Variants in CD244 observed in about 807,000 individuals in gnomAD.
CD244 encodes the protein CD244 molecule.
In CD244, 20 loss-of-function variants were observed where a neutral mutation model predicts 45.5. The observed-to-expected ratio is 0.44, with a 90% confidence interval of 0.31 to 0.64. The LOEUF (loss-of-function observed/expected upper bound fraction) is 0.64. Ranked by LOEUF, CD244 falls within the 30% of genes least tolerant of loss-of-function variation. The pLI is 0.08. For synonymous variants in CD244, 185 were observed against 160.5 expected, an observed-to-expected ratio of 1.15 and a Z score of -1.15; for missense variants, 407 against 426.9, an observed-to-expected ratio of 0.95 and a Z score of 0.41.
chr1:160,840,280 A>G (rs1007089010), intron 3 of CD244, among the ~76,000 whole-genome samples: 2 of 151,478 alleles, frequency 1.3e-5, no homozygotes, highest in African/African-American at 4.9e-5. Context: ...CTAAGAGATC[A>G]CAGAGCTTCT....
intron 8 of CD244, among the ~76,000 whole-genome samples, chr1:160,832,060 C>T (rs1190011867): frequency 1.3e-5 from 2 of 152,148 alleles, no homozygotes; most frequent in Non-Finnish European, 2.9e-5. Flanking sequence ...AATTCAACCA[C>T]CAGGCTCAGT....
At position 160,841,368 on chromosome 1, in the gene CD244, C is replaced by T. The variant is rs774339579; in HGVS notation, c.497G>A (p.Arg166Lys). 1 of 1,614,232 alleles carries T rather than the reference C, an allele frequency of 6.2e-7. No homozygotes were observed. The highest frequency in any genetic ancestry group is 1.1e-5 in the South Asian group (1 of 91,082). ...TGCTGTCTGGATCAGCTTGCTCCCT[C>T]TGTACCAAGCATAGGACACATTGCC... ...RDGNVSYAWY[R>K]GSKLIQTAGN... The change falls in exon 3 of 9, where the codon AGA becomes AAA. Residue 166 changes from arginine to lysine, a missense_variant. By Grantham distance (26) the Arg-to-Lys change is conservative (BLOSUM62 2). Coordinates refer to ENST00000368034, the MANE Select transcript of CD244 (RefSeq NM_016382.4).
chr1:160,861,573 G>C (rs552382770), intron 1 of CD244, among the ~76,000 whole-genome samples: 23 of 152,224 alleles, frequency 1.5e-4, no homozygotes, highest in Admixed American at 9.8e-4. Context: ...GCTCACACCT[G>C]TAATCCCAGC....
chr1:160,848,211 C>T, intron 1 of CD244: 1 of 540,344 alleles, frequency 1.9e-6, no homozygotes, highest in East Asian at 4.9e-5. Context: ...GTTGACATCA[C>T]ACACCATAAT....
chr1:160,836,512 T>C (rs1669340581), intron 5 of CD244, among the ~76,000 whole-genome samples: 1 of 152,220 alleles, frequency 6.6e-6, no homozygotes, highest in South Asian at 2.1e-4. Flanking sequence ...AAGAGAATGC[T>C]GTCACTTTCT....
chr1:160,839,504 G>A (rs1022865609), intron 3 of CD244, among the ~76,000 whole-genome samples: 11 of 152,204 alleles, frequency 7.2e-5, no homozygotes, highest in African/African-American at 2.7e-4. Context: ...GAAAAAAAAT[G>A]CATGTGTATT....
In CD244 at chr1:160,862,750, C is replaced by G; in HGVS notation, c.-73G>C. On this transcript the variant is annotated 5_prime_UTR_variant, in exon 1 of 9. Coordinates refer to ENST00000368034, the MANE Select transcript of CD244 (RefSeq NM_016382.4). ...CTCTGCCGTGCACGGGCTCAGCAGT[C>G]CCCAGTCAGCAAGAGGACGATGGGG... 1 of 1,381,228 alleles carries G rather than the reference C, an allele frequency of 7.2e-7. No homozygotes were observed. The highest frequency in any genetic ancestry group is 2.3e-5 in the East Asian group (1 of 42,784). 85.6% of individuals were successfully genotyped at this position (1,381,228 alleles called of 1,614,324 possible).
At chr1:160,837,749 G>C (rs1374324721) in intron 5 of CD244, among the ~76,000 whole-genome samples, 1 of 152,246 alleles carries the variant, frequency 6.6e-6, no homozygotes, top group Non-Finnish European at 1.5e-5. Context: ...CAGCAGTTTG[G>C]TAGGCTCCAT....
intron 1 of CD244, among the ~76,000 whole-genome samples, chr1:160,847,215 T>A (rs1254541899): frequency 6.6e-6 from 1 of 152,068 alleles, no homozygotes; most frequent in Non-Finnish European, 1.5e-5. Context: ...AAATAAAATT[T>A]GATAGAACTA....
chr1:160,847,455 A>C (rs1669775537), intron 1 of CD244, among the ~76,000 whole-genome samples: 1 of 152,176 alleles, frequency 6.6e-6, no homozygotes, highest in Admixed American at 6.5e-5. Context: ...GCTGTGCATT[A>C]AAACAAGTGT....
chr1:160,856,949 C>A (rs1436263869), intron 1 of CD244, among the ~76,000 whole-genome samples: 1 of 152,132 alleles, frequency 6.6e-6, no homozygotes, highest in African/African-American at 2.4e-5. Flanking sequence ...GCAGAATAGA[C>A]AAGAAATTCA....
In CD244 at chr1:160,850,503, T is replaced by C. The variant is rs764693972; in HGVS notation, c.62-8602A>G. ...AACTTATATGAAAATGTAAAAGACA[T>C]AGAATAGCCAAGGCAATCTTGATGA... On this transcript the variant is annotated intron_variant, in intron 1 of 8. Transcript: ENST00000368034. Among the ~76,000 whole-genome samples the C allele has an allele frequency of 2.6e-5, 4 of 152,172 alleles. No individual in the cohort carries two copies. The South Asian group carries it at 8.3e-4, about 31-fold the overall frequency.
At chr1:160,840,604 G>T (rs924535833) in intron 3 of CD244, among the ~76,000 whole-genome samples, 9 of 152,024 alleles carry the variant, frequency 5.9e-5, no homozygotes, top group African/African-American at 2.2e-4. Context: ...TATTTTTGTT[G>T]CCCCATTTGG....
rs545695158 is a variant in CD244, at chr1:160,840,499, G to C, written c.655+711C>G. 6.2e-4 allele frequency among the ~76,000 whole-genome samples: 95 copies of C among 152,224 alleles called. 4 individuals carry two copies. The South Asian group carries it at 0.018, about 30-fold the overall frequency. On this transcript the variant is annotated intron_variant, in intron 3 of 8. Transcript: ENST00000368034. ...GCTGGTCTCAAACTCCTGACCTTGT[G>C]ATCCACCCACCTCAGCCTCCCAAAG... is the stretch of plus-strand genomic sequence containing the variant.
intron 5 of CD244, among the ~76,000 whole-genome samples, chr1:160,836,849 G>A (rs1324409665): frequency 1.3e-5 from 2 of 152,154 alleles, no homozygotes; most frequent in African/African-American, 4.8e-5. Context: ...TGCCAGTTTG[G>A]GTTCTACTGG....
At chr1:160,833,908 T>A (rs1026070248) in intron 7 of CD244, 143 bp downstream of exon 7, 1 of 614,804 alleles carries the variant, frequency 1.6e-6, no homozygotes, top group Non-Finnish European at 3.0e-6. Flanking sequence ...GACATTTAAA[T>A]ACAGTCATTT....
At chr1:160,857,463 T>C (rs1670151274) in intron 1 of CD244, among the ~76,000 whole-genome samples, 1 of 152,308 alleles carries the variant, frequency 6.6e-6, no homozygotes, top group Admixed American at 6.5e-5. Flanking sequence ...GCCATGAAAA[T>C]GATCTGCTAC....
intron 1 of CD244, among the ~76,000 whole-genome samples, chr1:160,846,493 C>T (rs2101880302): frequency 6.6e-6 from 1 of 152,228 alleles, no homozygotes; most frequent in Middle Eastern, 3.4e-3. Context: ...ATGGCAAACC[C>T]CATCTCGACT....
In CD244 at chr1:160,852,269, G is replaced by T. The variant is rs375345994; in HGVS notation, c.61+10348C>A. Reference sequence around the variant, plus strand: ...ATAGCTAACATTTAAAGGTCTGAAGGCTGGGCGAAGCGGCTCAAGCCTGTA... The same window carrying T: ...ATAGCTAACATTTAAAGGTCTGAAGTCTGGGCGAAGCGGCTCAAGCCTGTA... On this transcript the variant is annotated intron_variant, in intron 1 of 8. Transcript: ENST00000368034. Among the ~76,000 whole-genome samples the T allele has an allele frequency of 2.5e-4, 38 of 152,372 alleles. 1 individual carries two copies. The South Asian group carries it at 5.8e-3, about 23-fold the overall frequency.
Sources: allele counts gnomAD v4.1 joint callset (sites outside exome capture counted in the v4.1 genomes callset), GRCh38; gene constraint gnomAD v4.1.1; transcripts MANE v1.5; gene names NCBI Gene and HGNC (gene_info 2026-07-23, HGNC 2026-07-21).